Variants in ESCO2 observed in about 807,000 individuals in gnomAD.
The protein encoded by ESCO2 is establishment of sister chromatid cohesion N-acetyltransferase 2.
A neutral mutation model predicts 61.7 loss-of-function variants in ESCO2; 51 were observed. That is an observed-to-expected ratio of 0.83 (90% CI 0.66 to 1.04). The LOEUF (loss-of-function observed/expected upper bound fraction) is 1.04, where lower values mean the gene tolerates loss of function less well. ESCO2 is among the 50% of genes least tolerant of loss of function. The pLI is 0.00. For synonymous variants in ESCO2, 230 were observed against 238.2 expected (o/e 0.97, Z 0.32); for missense variants, 692 against 686.2 (o/e 1.01, Z -0.09).
At chr8:27,791,744 T>C (rs548526845) in intron 7 of ESCO2, among the ~76,000 whole-genome samples, 1 of 152,330 alleles carries the variant, frequency 6.6e-6, no homozygotes, top group East Asian at 1.9e-4. Flanking sequence ...TTTATAGTCA[T>C]ATACATGTCT....
At chr8:27,778,162 A>G (rs1290998174) in intron 3 of ESCO2, 4 of 152,204 alleles carry the variant, frequency 2.6e-5, no homozygotes, top group Non-Finnish European at 5.9e-5. Flanking sequence ...CAATAATCAG[A>G]GCTGAATATC....
At chr8:27,801,149 TTGAAC>T (rs1805414615) in intron 10 of ESCO2, among the ~76,000 whole-genome samples, 1 of 152,216 alleles carries the variant, frequency 6.6e-6, no homozygotes, top group Non-Finnish European at 1.5e-5. Context: ...TGTACACACT[TTGAAC>T]TGACACTATG....
chr8:27,789,559 C>T (rs1003732305), intron 7 of ESCO2, among the ~76,000 whole-genome samples: 1 of 152,110 alleles, frequency 6.6e-6, no homozygotes, highest in Non-Finnish European at 1.5e-5. Flanking sequence ...GTGGGTGGAT[C>T]ACCTGAGGTC....
At chr8:27,810,953 C>A (rs765178559), downstream of ESCO2, 2 of 1,521,492 alleles carry the variant, frequency 1.3e-6, no homozygotes, top group Non-Finnish European at 9.1e-7. Context: ...AAATTGTATT[C>A]ATACCTTCAT....
chr8:27,777,313 T>G, intron 3 of ESCO2, 144 bp downstream of exon 3: 1 of 767,746 alleles, frequency 1.3e-6, no homozygotes, highest in Admixed American at 3.3e-5. Context: ...GTTTATTTAT[T>G]TATTTATTTT....
chr8:27,810,417 A>C, downstream of ESCO2: 1 of 1,606,566 alleles, frequency 6.2e-7, no homozygotes, highest in Non-Finnish European at 8.5e-7. Flanking sequence ...TGATTCATCC[A>C]GTTCTTCCAT....
At chr8:27,784,697 G>A (rs1585397037) in intron 5 of ESCO2, among the ~76,000 whole-genome samples, 1 of 152,178 alleles carries the variant, frequency 6.6e-6, no homozygotes, top group African/African-American at 2.4e-5. Flanking sequence ...AGGCATGGAT[G>A]GGTAGAGAGC....
chr8:27,792,414 T>G (rs907666673), intron 8 of ESCO2, among the ~76,000 whole-genome samples: 2 of 152,200 alleles, frequency 1.3e-5, no homozygotes, highest in Non-Finnish European at 2.9e-5. Flanking sequence ...GTTTTAATGC[T>G]TCCTATTCCT....
Position 27,803,302 on chromosome 8 carries a change from T to C in ESCO2, c.1674-4T>C, listed in dbSNP as rs750703352. ...TCATTAAATCATCTTTTCTTCTCTT[T>C]TAGGAATTGCTTCATGTTTGGCTGT... is the stretch of plus-strand genomic sequence containing the variant. On this transcript the variant is annotated splice_region_variant and splice_polypyrimidine_tract_variant and intron_variant, in intron 10 of 10. Transcript: ENST00000305188. The C allele has an allele frequency of 5.3e-5, 85 of 1,613,768 alleles. 2 individuals carry two copies. In the South Asian group the frequency reaches 8.7e-4, roughly 16 times the overall value.
At chr8:27,796,444 TCTA>T (rs1316800368) in intron 9 of ESCO2, among the ~76,000 whole-genome samples, 3 of 152,172 alleles carry the variant, frequency 2.0e-5, no homozygotes, top group Non-Finnish European at 4.4e-5. Context: ...TTTTCTTCCT[TCTA>T]CTAACTTTGG....
intron 7 of ESCO2, among the ~76,000 whole-genome samples, chr8:27,790,987 G>T (rs1188627578): frequency 6.6e-6 from 1 of 151,958 alleles, no homozygotes; most frequent in East Asian, 1.9e-4. Flanking sequence ...GACTTTTTCT[G>T]CACATTTACT....
downstream of ESCO2, chr8:27,811,453 G>T (rs545434582): frequency 4.3e-6 from 2 of 463,822 alleles, no homozygotes; most frequent in Admixed American, 7.1e-5. Flanking sequence ...AAAGACATGT[G>T]TGTGCAAGCT....
intron 5 of ESCO2, among the ~76,000 whole-genome samples, chr8:27,786,064 A>G (rs1394639727): frequency 5.3e-5 from 8 of 152,198 alleles, no homozygotes; most frequent in Admixed American, 1.3e-4. Flanking sequence ...GGGAGAGCCT[A>G]GCAAAGGCTG....
chr8:27,795,678 A>T (rs1432690191), intron 9 of ESCO2, among the ~76,000 whole-genome samples: 2 of 152,098 alleles, frequency 1.3e-5, no homozygotes, highest in African/African-American at 4.8e-5. Context: ...ATTGAGGTAC[A>T]TTCCTTCTGT....
At chr8:27,793,787 T>C (rs971667993) in intron 9 of ESCO2, among the ~76,000 whole-genome samples, 33 of 152,110 alleles carry the variant, frequency 2.2e-4, no homozygotes, top group African/African-American at 7.7e-4. Flanking sequence ...ACCCGGCCTT[T>C]AGCAATTTTC....
downstream of ESCO2, among the ~76,000 whole-genome samples, chr8:27,807,598 C>CT (rs146032679): frequency 2.1e-3 from 313 of 152,182 alleles, 8 homozygotes; most frequent in East Asian, 0.05. Context: ...CATGACATGT[C>CT]TTTTTTCTCC....
Position 27,787,926 on chromosome 8 carries a change from T to A in ESCO2, c.1055T>A (p.Phe352Tyr), listed in dbSNP as rs150904402. Residue 352 changes from phenylalanine to tyrosine, a missense_variant, in exon 6 of 11, where the codon TTC (phenylalanine) becomes TAC (tyrosine). Phe to Tyr is a conservative substitution (Grantham distance 22). Transcript: ENST00000305188. ...EEQFSVGSVN[F>Y]MKQTNIQKNT... ...CAGTTTTCTGTGGGATCTGTCAACT[T>A]CATGAAACAGACCAATATCCAGAAA... The A allele has an allele frequency of 6.2e-7, 1 of 1,613,800 alleles. No individual in the cohort carries two copies. The highest frequency in any genetic ancestry group is 1.3e-5 in the African/African-American group (1 of 75,048).
chr8:27,796,335 C>G (rs1165758594), intron 9 of ESCO2, among the ~76,000 whole-genome samples: 1 of 151,968 alleles, frequency 6.6e-6, no homozygotes, highest in Non-Finnish European at 1.5e-5. Context: ...CTTAGTCTAG[C>G]TAAAGGTTTG....
upstream of ESCO2, chr8:27,772,608 C>G (rs1585385777): frequency 1.3e-6 from 2 of 1,498,376 alleles, no homozygotes; most frequent in East Asian, 2.5e-5. Context: ...CTCAGGATAC[C>G]AGACTCGCGG....
Sources: gnomAD v4.1 joint callset for allele counts (sites outside exome capture counted in the v4.1 genomes callset) on GRCh38, gnomAD v4.1.1 for gene constraint, MANE v1.5 for transcripts, NCBI Gene and HGNC (gene_info 2026-07-23, HGNC 2026-07-21) for gene names.